The following RAB38 variants were observed in gnomAD, a reference collection of about 807,000 sequenced individuals.
RAB38 encodes the protein RAB38, member RAS oncogene family.
In RAB38, 15 loss-of-function variants were observed where a neutral mutation model predicts 18.4. The observed-to-expected ratio is 0.82, with a 90% CI of 0.55 to 1.26. RAB38 has a LOEUF of 1.26. RAB38 is among the 50% of genes most tolerant of loss of function. RAB38 has a pLI of 0.00. For synonymous variants in RAB38, 101 were observed against 104.4 expected, an observed-to-expected ratio of 0.97 and a Z score of 0.20; for missense variants, 294 against 267.4, an observed-to-expected ratio of 1.10 and a Z score of -0.69.
chr11:88,173,732 G>A, intron 1 of RAB38: 1 of 985,348 alleles, frequency 1.0e-6, no homozygotes, highest in Non-Finnish European at 1.2e-6. Context: ...TAGATGAAAA[G>A]CCCCATCCAA....
chr11:87,869,297 T>C, the RAB38 span, among the ~76,000 whole-genome samples: 1 of 145,852 alleles, frequency 6.9e-6, no homozygotes, highest in South Asian at 2.1e-4. Flanking sequence ...CATTTAATCT[T>C]CCTAACACTC....
chr11:87,864,855 G>C, the RAB38 span, among the ~76,000 whole-genome samples: 1 of 151,762 alleles, frequency 6.6e-6, no homozygotes, highest in Non-Finnish European at 1.5e-5. Context: ...CAGACGAGCA[G>C]TTCTCAGTGA....
the RAB38 span, chr11:88,098,595 CT>C: frequency 2.0e-5 from 3 of 151,896 alleles, no homozygotes; most frequent in Non-Finnish European, 4.4e-5. Flanking sequence ...ACCTGAAGAT[CT>C]TTCCATTCTC....
rs141177845 is a variant in RAB38 at position 88,120,953 on chromosome 11, C to G, written c.484-6813G>C. 1.4e-3 allele frequency among the ~76,000 whole-genome samples: 218 copies of G among 152,300 alleles called. 1 individual carries two copies. The highest frequency in any genetic ancestry group is 5.0e-3 in the African/African-American group (208 of 41,562). On this transcript the variant is annotated intron_variant, in intron 2 of 2. Transcript: ENST00000243662. ...CTAATTCGCCCTGCTTTCTTTGACA[C>G]ATCAGGAAATTAAGGCAAAGAGACA...
At chr11:87,959,138 C>T in the RAB38 span, among the ~76,000 whole-genome samples, 3 of 152,074 alleles carry the variant, frequency 2.0e-5, no homozygotes, top group Non-Finnish European at 4.4e-5. Context: ...CCCATAGCTG[C>T]ACAGTAATTG....
At chr11:87,913,841 C>G in the RAB38 span, among the ~76,000 whole-genome samples, 6 of 152,102 alleles carry the variant, frequency 3.9e-5, no homozygotes, top group Non-Finnish European at 4.4e-5. Flanking sequence ...TGCTCAGCCC[C>G]TTCTGTGTGA....
At chr11:88,069,288 G>A in the RAB38 span, among the ~76,000 whole-genome samples, 5 of 152,304 alleles carry the variant, frequency 3.3e-5, no homozygotes, top group South Asian at 4.1e-4. Flanking sequence ...ACCTCCCCAC[G>A]GGGGCAGGGC....
the RAB38 span, among the ~76,000 whole-genome samples, chr11:88,104,991 T>G: frequency 6.6e-6 from 1 of 152,206 alleles, no homozygotes; most frequent in East Asian, 1.9e-4. Flanking sequence ...TTTCCATCCT[T>G]CTTTGATTAC....
At chr11:88,147,941 T>C (rs977567697) in intron 2 of RAB38, among the ~76,000 whole-genome samples, 27 of 152,046 alleles carry the variant, frequency 1.8e-4, no homozygotes, top group African/African-American at 6.5e-4. Flanking sequence ...AAAGATACCA[T>C]GCTTGTTAAA....
chr11:87,804,220 T>G, the RAB38 span, among the ~76,000 whole-genome samples: 1 of 152,212 alleles, frequency 6.6e-6, no homozygotes. Flanking sequence ...CCTTTGTTTT[T>G]ACTTTCTTTA....
At chr11:88,058,167 G>A in the RAB38 span, among the ~76,000 whole-genome samples, 1 of 152,192 alleles carries the variant, frequency 6.6e-6, no homozygotes, top group African/African-American at 2.4e-5. Flanking sequence ...GCCTCACACA[G>A]AGGATACTTT....
At chr11:87,898,361 C>G in the RAB38 span, among the ~76,000 whole-genome samples, 1 of 151,778 alleles carries the variant, frequency 6.6e-6, no homozygotes, top group African/African-American at 2.4e-5. Flanking sequence ...TCCTCAGATC[C>G]CAAACCAATC....
At chr11:87,812,854 G>A in the RAB38 span, among the ~76,000 whole-genome samples, 3 of 152,118 alleles carry the variant, frequency 2.0e-5, no homozygotes, top group East Asian at 5.8e-4. Context: ...GAGAAATATA[G>A]CCTATCATAA....
At chr11:87,818,819 G>T in the RAB38 span, among the ~76,000 whole-genome samples, 2 of 151,980 alleles carry the variant, frequency 1.3e-5, no homozygotes, top group Admixed American at 6.6e-5. Flanking sequence ...ATATATGGGT[G>T]GTCTACAAAT....
At chr11:87,940,305 A>T in the RAB38 span, among the ~76,000 whole-genome samples, 3 of 152,148 alleles carry the variant, frequency 2.0e-5, no homozygotes, top group Non-Finnish European at 2.9e-5. Context: ...AGTTTACCTT[A>T]TATGAAGAAT....
chr11:87,862,777 A>AT, the RAB38 span, among the ~76,000 whole-genome samples: 2 of 151,860 alleles, frequency 1.3e-5, no homozygotes, highest in Non-Finnish European at 2.9e-5. Flanking sequence ...AATGTTTACA[A>AT]TTTTTTTAAA....
At chr11:87,830,621 C>T in the RAB38 span, among the ~76,000 whole-genome samples, 1 of 151,942 alleles carries the variant, frequency 6.6e-6, no homozygotes, top group Non-Finnish European at 1.5e-5. Context: ...TATTATAACC[C>T]ACCATTATAT....
intron 2 of RAB38, among the ~76,000 whole-genome samples, chr11:88,127,404 A>G (rs533246876): frequency 6.6e-6 from 1 of 152,326 alleles, no homozygotes; most frequent in Non-Finnish European, 1.5e-5. Context: ...AAGTTACCTG[A>G]CTACAGAACT....
the RAB38 span, chr11:88,098,745 G>A: frequency 2.0e-4 from 30 of 152,036 alleles, 1 homozygote; most frequent in Non-Finnish European, 4.0e-4. Context: ...GTGCTTTACA[G>A]CTTACTTGAA....
Sources: gnomAD v4.1 joint callset for allele counts (sites outside exome capture counted in the v4.1 genomes callset) on GRCh38, gnomAD v4.1.1 for gene constraint, MANE v1.5 for transcripts, NCBI Gene and HGNC (gene_info 2026-07-23, HGNC 2026-07-21) for gene names.